The following FAM13C variants were observed in gnomAD, a reference collection of about 807,000 sequenced individuals.
FAM13C encodes protein FAM13C.
A neutral mutation model predicts 73.2 loss-of-function variants in FAM13C; 37 were observed. The observed-to-expected ratio is 0.51, with a 90% confidence interval of 0.39 to 0.67. The LOEUF is 0.67. Ranked by LOEUF, FAM13C falls within the 30% of genes least tolerant of loss-of-function variation. The probability of loss-of-function intolerance (pLI) is 0.00; values close to 1 mark genes in which losing one functional copy is unlikely to be tolerated. For missense variants in FAM13C, 589 were observed against 715.6 expected, an observed-to-expected ratio of 0.82 and a Z score of 2.02; for synonymous variants, 246 against 260.9, an observed-to-expected ratio of 0.94 and a Z score of 0.55.
intron 2 of FAM13C, 44 bp from the exon 3 acceptor site, chr10:59,352,518 A>G (rs1196865708): frequency 6.6e-7 from 1 of 1,517,930 alleles, no homozygotes; most frequent in Non-Finnish European, 8.9e-7. Context: ...TTAAAAAAAG[A>G]TGAATAAACT....
Position 59,359,646 on chromosome 10 carries a change from T to C in FAM13C, c.62+2753A>G, listed in dbSNP as rs74150883. 3.3e-3 allele frequency among the ~76,000 whole-genome samples: 499 copies of C among 152,336 alleles called. 3 individuals carry two copies. The highest frequency in any genetic ancestry group is 0.011 in the African/African-American group (458 of 41,574). ...GGGCAGAGCCCAGGAATGTGGATTT[T>C]TAAAACAGACTGCCTACCTATAGAA... On this transcript the variant is annotated intron_variant, in intron 1 of 13. Transcript: ENST00000618804.
At chr10:59,323,936 T>C (rs1762693226) in intron 4 of FAM13C, 52 bp downstream of exon 4, 1 of 1,403,108 alleles carries the variant, frequency 7.1e-7, no homozygotes. Flanking sequence ...ACACAGCATT[T>C]CTGAGAAAGG....
At chr10:59,262,351 A>T in intron 10 of FAM13C, 83 bp downstream of exon 10, 1 of 1,283,604 alleles carries the variant, frequency 7.8e-7, no homozygotes, top group Non-Finnish European at 1.1e-6. Flanking sequence ...ATGTAATGGC[A>T]AAGTGCTCTG....
At chr10:59,294,262 G>A (rs1247383849) in intron 5 of FAM13C, among the ~76,000 whole-genome samples, 1 of 152,192 alleles carries the variant, frequency 6.6e-6, no homozygotes, top group Non-Finnish European at 1.5e-5. Flanking sequence ...TAGGAAATTA[G>A]TAGTATGAAG....
Position 59,247,536 on chromosome 10 carries a change from C to A in FAM13C, c.*78G>T. On this transcript the variant is annotated 3_prime_UTR_variant, in exon 14 of 14. Transcript: ENST00000618804. The stretch of plus-strand genomic sequence containing the variant: ...TGCTTCCATTTTCATTGTGTCAAAA[C>A]TACTTAGCAAGGATGGCAGAGGAAA... The A allele has an allele frequency of 1.3e-6, 2 of 1,581,282 alleles. No homozygotes were observed. Among genetic ancestry groups the A allele is most frequent in the Admixed American group, 1.7e-5 (1 of 57,946 alleles).
chr10:59,267,322 A>C (rs1375757384), intron 8 of FAM13C, among the ~76,000 whole-genome samples: 1 of 152,160 alleles, frequency 6.6e-6, no homozygotes, highest in Non-Finnish European at 1.5e-5. Context: ...TGCAGAACCT[A>C]CTCATCTGTA....
At chr10:59,305,768 G>A (rs1432284140) in intron 4 of FAM13C, among the ~76,000 whole-genome samples, 13 of 152,222 alleles carry the variant, frequency 8.5e-5, no homozygotes, top group African/African-American at 3.1e-4. Context: ...TCCCTCCTGG[G>A]TGGGAGAGAG....
chr10:59,318,345 T>TTC (rs1849783425), intron 4 of FAM13C, among the ~76,000 whole-genome samples: 1 of 152,092 alleles, frequency 6.6e-6, no homozygotes, highest in Non-Finnish European at 1.5e-5. Context: ...AATCAGCAGT[T>TTC]CACGGACTGG....
At chr10:59,256,421 C>T (rs750927769) in intron 10 of FAM13C, among the ~76,000 whole-genome samples, 4 of 152,168 alleles carry the variant, frequency 2.6e-5, no homozygotes, top group Non-Finnish European at 5.9e-5. Flanking sequence ...CCAAAACACA[C>T]ATTAGAATGA....
chr10:59,341,670 C>G (rs1159028375), intron 3 of FAM13C, among the ~76,000 whole-genome samples: 1 of 152,020 alleles, frequency 6.6e-6, no homozygotes, highest in Non-Finnish European at 1.5e-5. Context: ...GCCTCGGCAA[C>G]AAGAGCAAAA....
intron 13 of FAM13C, chr10:59,251,258 A>T: frequency 2.6e-6 from 1 of 391,846 alleles, no homozygotes; most frequent in Non-Finnish European, 4.5e-6. Flanking sequence ...GGGCTAAAAA[A>T]ATCAACAGAT....
rs573276991 is a variant in FAM13C at position 59,323,871 on chromosome 10, T to A, written c.443+117A>T. The A allele has an allele frequency of 4.5e-6, 4 of 890,674 alleles. No individual in the cohort carries two copies. The South Asian group carries it at 5.3e-5, about 12-fold the overall frequency. The allele number at this position is 890,674 out of a possible 1,614,324, so 55.2% of individuals were successfully genotyped here. A position where few individuals can be genotyped will look rare whatever the true frequency, so the allele number is the denominator to read the frequency against. ...CCCCTTTAAGCAGCTTTTCTGACTA[T>A]AAGGAATGCCAGCAAAAGTCAGAAA... On this transcript the variant is annotated intron_variant, in intron 4 of 13. Transcript: ENST00000618804.
At chr10:59,348,658 A>G (rs1854623128) in intron 3 of FAM13C, among the ~76,000 whole-genome samples, 1 of 151,784 alleles carries the variant, frequency 6.6e-6, no homozygotes, top group South Asian at 2.1e-4. Context: ...TTTTCCTTTG[A>G]GATGGAGTCT....
At chr10:59,277,521 C>T (rs1844451399) in intron 6 of FAM13C, among the ~76,000 whole-genome samples, 1 of 152,022 alleles carries the variant, frequency 6.6e-6, no homozygotes, top group South Asian at 2.1e-4. Context: ...TATTTGACTC[C>T]ATGTGAAATA....
chr10:59,324,293 A>G (rs369475110), intron 3 of FAM13C, among the ~76,000 whole-genome samples, 187 bp from the exon 4 acceptor site: 4 of 152,296 alleles, frequency 2.6e-5, no homozygotes, highest in African/African-American at 9.6e-5. Flanking sequence ...CAGTTGCTGC[A>G]AGATTACAGA....
intron 1 of FAM13C, among the ~76,000 whole-genome samples, chr10:59,359,950 A>G (rs1455291752): frequency 2.0e-5 from 3 of 152,240 alleles, no homozygotes; most frequent in Non-Finnish European, 4.4e-5. Context: ...CCATGGAAAA[A>G]TATTAGATGA....
chr10:59,315,699 T>A (rs1039674909), intron 4 of FAM13C, among the ~76,000 whole-genome samples: 1 of 152,152 alleles, frequency 6.6e-6, no homozygotes, highest in African/African-American at 2.4e-5. Flanking sequence ...CTTAGCACAA[T>A]GTGAACTAGA....
At chr10:59,336,324 T>C (rs766993734) in intron 3 of FAM13C, among the ~76,000 whole-genome samples, 4 of 152,216 alleles carry the variant, frequency 2.6e-5, no homozygotes, top group African/African-American at 4.8e-5. Flanking sequence ...ATAAGGAGCA[T>C]CCTGACTTCA....
At chr10:59,296,307 T>C (rs148256175) in intron 5 of FAM13C, among the ~76,000 whole-genome samples, 139 of 152,286 alleles carry the variant, frequency 9.1e-4, no homozygotes, top group African/African-American at 3.1e-3. Flanking sequence ...CATAGACACA[T>C]GCATACCGAC....
Sources: allele counts gnomAD v4.1 joint callset (sites outside exome capture counted in the v4.1 genomes callset), GRCh38; gene constraint gnomAD v4.1.1; transcripts MANE v1.5; gene names NCBI Gene and HGNC (gene_info 2026-07-23, HGNC 2026-07-21).